The following ALPK2 variants were observed in gnomAD, a reference collection of about 807,000 sequenced individuals.
ALPK2 encodes alpha-protein kinase 2.
ALPK2 carries 127 observed loss-of-function variants against 163.1 expected under a neutral mutation model. That is an observed-to-expected ratio of 0.78 (90% CI 0.67 to 0.90). The LOEUF is 0.90. Ranked by LOEUF, ALPK2 falls within the 40% of genes least tolerant of loss-of-function variation. The pLI is 0.00. For missense variants in ALPK2, 2,360 were observed against 2,589.6 expected (o/e 0.91, Z 1.92); for synonymous variants, 953 against 959.1 (o/e 0.99, Z 0.12).
chr18:58,528,822 C>T, intron 6 of ALPK2: 2 of 424,908 alleles, frequency 4.7e-6, no homozygotes, highest in Non-Finnish European at 4.3e-6. Context: ...TGTTCCTTCC[C>T]CTGATTTAAA....
chr18:58,626,606 A>G (rs2052231975), intron 1 of ALPK2, among the ~76,000 whole-genome samples: 1 of 152,218 alleles, frequency 6.6e-6, no homozygotes, highest in Non-Finnish European at 1.5e-5. Flanking sequence ...ATATGTATTA[A>G]AAAGCATTCC....
Position 58,621,221 on chromosome 18 carries a change from C to T in ALPK2, c.-21+7543G>A, listed in dbSNP as rs138208519. 3.4e-3 allele frequency among the ~76,000 whole-genome samples: 513 copies of T among 150,228 alleles called. 9 individuals carry two copies. The highest frequency in any genetic ancestry group is 0.022 in the Admixed American group (329 of 15,074). ...AAATGCACTGATATGGAATAATCTC[C>T]GGGATACATTAAATGAAATAAACAA... is the stretch of plus-strand genomic sequence containing the variant. On this transcript the variant is annotated intron_variant, in intron 1 of 12. Transcript: ENST00000361673.
Position 58,527,265 on chromosome 18 carries a change from GAA to G in ALPK2, c.5501+1824_5501+1825del, listed in dbSNP as rs1379347258. On this transcript the variant is annotated intron_variant, in intron 6 of 12. Coordinates refer to ENST00000361673, the MANE Select transcript of ALPK2 (RefSeq NM_052947.4). ...CGCTGGACTGGAAGTAGGCATGAGA[GAA>G]ATTAGCAAACATTTGAAAACCCACT... is the stretch of plus-strand genomic sequence containing the variant. 2.0e-5 allele frequency among the ~76,000 whole-genome samples: 3 copies of G among 152,214 alleles called. No individual in the cohort carries two copies. The East Asian group carries it at 5.8e-4, about 29-fold the overall frequency.
At chr18:58,530,108 C>T (rs1015786407) in intron 5 of ALPK2, among the ~76,000 whole-genome samples, 2 of 152,206 alleles carry the variant, frequency 1.3e-5, no homozygotes, top group African/African-American at 4.8e-5. Context: ...ATATGTAATC[C>T]GTAGCCAAAC....
rs549797687 is a variant in ALPK2, at chr18:58,613,648, G to A, written c.-20-1831C>T. Among the ~76,000 whole-genome samples, 81 of 149,950 alleles carry A rather than the reference G, an allele frequency of 5.4e-4. 1 individual carries two copies. Among genetic ancestry groups the A allele is most frequent in the African/African-American group, 1.6e-3 (65 of 40,734 alleles). On this transcript the variant is annotated intron_variant, in intron 1 of 12. Transcript: ENST00000361673. ...TGGGAGGCAGAGGTTGCGGTGAGCC[G>A]AGATCACGCCACTGCACTCCAGCCT...
chr18:58,607,802 G>C (rs540831126), intron 2 of ALPK2, among the ~76,000 whole-genome samples: 3 of 152,292 alleles, frequency 2.0e-5, no homozygotes, highest in Non-Finnish European at 4.4e-5. Flanking sequence ...GCCCATCCAA[G>C]CATGATCTTG....
chr18:58,585,706 C>T (rs187343013), intron 3 of ALPK2, among the ~76,000 whole-genome samples: 7 of 112,642 alleles, frequency 6.2e-5, no homozygotes, highest in Admixed American at 3.5e-4. Flanking sequence ...TTTTTTGAGA[C>T]GGAGTCTTGC....
chr18:58,575,153 C>T (rs957872722), intron 4 of ALPK2, among the ~76,000 whole-genome samples: 2 of 150,332 alleles, frequency 1.3e-5, no homozygotes, highest in African/African-American at 2.5e-5. Context: ...GCAGAGGTTG[C>T]GGTGGGCCGA....
chr18:58,626,315 C>G (rs2052230442), intron 1 of ALPK2, among the ~76,000 whole-genome samples: 1 of 152,178 alleles, frequency 6.6e-6, no homozygotes, highest in Non-Finnish European at 1.5e-5. Context: ...ACTTTTATCA[C>G]TGACCCCGCG....
chr18:58,614,607 A>T (rs1190310709), intron 1 of ALPK2, among the ~76,000 whole-genome samples: 13 of 152,204 alleles, frequency 8.5e-5, no homozygotes, highest in Admixed American at 8.5e-4. Flanking sequence ...TGGTATTTTT[A>T]AAAAACCAGA....
chr18:58,557,838 C>T (rs78245461), intron 4 of ALPK2, among the ~76,000 whole-genome samples: 2,147 of 152,146 alleles, frequency 0.014, 42 homozygotes, highest in African/African-American at 0.049. Flanking sequence ...GTCCCAGCTA[C>T]TGGGGAGGCT....
chr18:58,510,986 A>G (rs960037104), intron 10 of ALPK2, among the ~76,000 whole-genome samples: 6 of 152,164 alleles, frequency 3.9e-5, no homozygotes, highest in Admixed American at 3.3e-4. Context: ...GAATGCTTCC[A>G]GTTTTTGCCC....
intron 3 of ALPK2, among the ~76,000 whole-genome samples, chr18:58,590,553 T>C (rs1166831258): frequency 6.6e-6 from 1 of 152,152 alleles, no homozygotes; most frequent in East Asian, 1.9e-4. Flanking sequence ...GTGAAAGTCA[T>C]CATTATTTTC....
chr18:58,600,941 A>T (rs2052066195), intron 3 of ALPK2, among the ~76,000 whole-genome samples: 1 of 152,118 alleles, frequency 6.6e-6, no homozygotes, highest in Non-Finnish European at 1.5e-5. Flanking sequence ...AAGTGCTCTT[A>T]ATGTTTGTTG....
chr18:58,570,163 G>T (rs1190658569), intron 4 of ALPK2, among the ~76,000 whole-genome samples: 2 of 150,926 alleles, frequency 1.3e-5, no homozygotes, highest in African/African-American at 4.9e-5. Context: ...AAAAACCTCC[G>T]CCCTTCCCAT....
Position 58,563,898 on chromosome 18 carries a change from A to G in ALPK2, c.1962+14916T>C, listed in dbSNP as rs145211261. Among the ~76,000 whole-genome samples the G allele has an allele frequency of 9.5e-3, 1,454 of 152,284 alleles. 18 individuals are homozygous for G. The highest frequency in any genetic ancestry group is 0.032 in the African/African-American group (1,314 of 41,552). On this transcript the variant is annotated intron_variant, in intron 4 of 12. Coordinates refer to ENST00000361673, the MANE Select transcript of ALPK2 (RefSeq NM_052947.4). ...GCCAAAATTTACATGTTAAAGGATT[A>G]GTAAATATCACCAATTTGACATCCA...
chr18:58,622,301 C>T (rs537647183), intron 1 of ALPK2, among the ~76,000 whole-genome samples: 469 of 152,082 alleles, frequency 3.1e-3, no homozygotes, highest in Non-Finnish European at 5.2e-3. Flanking sequence ...GAGCCGAGAT[C>T]GCACCATTGC....
chr18:58,558,601 T>G (rs1008890485), intron 4 of ALPK2, among the ~76,000 whole-genome samples: 5 of 152,192 alleles, frequency 3.3e-5, no homozygotes, highest in African/African-American at 9.7e-5. Flanking sequence ...TGAAAACATA[T>G]GCCCACAAAA....
At chr18:58,584,994 C>T (rs560118372) in intron 3 of ALPK2, among the ~76,000 whole-genome samples, 2 of 152,236 alleles carry the variant, frequency 1.3e-5, no homozygotes, top group South Asian at 2.1e-4. Flanking sequence ...TTTCTTTTGG[C>T]GGAGGGAAGC....
Sources: gnomAD v4.1 joint callset for allele counts (sites outside exome capture counted in the v4.1 genomes callset) on GRCh38, gnomAD v4.1.1 for gene constraint, MANE v1.5 for transcripts, NCBI Gene and HGNC (gene_info 2026-07-23, HGNC 2026-07-21) for gene names.